Variants in POLQ observed in about 807,000 individuals in gnomAD.
POLQ encodes DNA polymerase theta.
A neutral mutation model predicts 259.2 loss-of-function variants in POLQ; 233 were observed. The ratio of observed to expected loss-of-function variants is 0.90; its 90% confidence interval spans 0.81 to 1.00. The LOEUF (loss-of-function observed/expected upper bound fraction) is 1.00, where lower values mean the gene tolerates loss of function less well. Among genes scored for constraint, POLQ ranks in the 50% least tolerant of loss-of-function variants. The pLI is 0.00. For synonymous variants in POLQ, 1,025 were observed against 1,048.8 expected (o/e 0.98, Z 0.44); for missense variants, 2,871 against 3,051.6 (o/e 0.94, Z 1.39).
intron 3 of POLQ, 81 bp from the exon 4 acceptor site, chr3:121,539,670 G>C (rs1276675810): frequency 9.8e-7 from 1 of 1,017,326 alleles, no homozygotes; most frequent in Non-Finnish European, 1.5e-6. Context: ...CCAGAACATA[G>C]ACATAAGTAT....
At chr3:121,475,524 A>G (rs920740916) in intron 20 of POLQ, among the ~76,000 whole-genome samples, 1 of 152,224 alleles carries the variant, frequency 6.6e-6, no homozygotes, top group Non-Finnish European at 1.5e-5. Context: ...AAACACTATT[A>G]AAGTAATAAT....
At chr3:121,539,952 T>C (rs1378069736) in intron 3 of POLQ, among the ~76,000 whole-genome samples, 6 of 152,180 alleles carry the variant, frequency 3.9e-5, no homozygotes, top group Non-Finnish European at 8.8e-5. Context: ...GAAACAAATT[T>C]ATACTTCATG....
At chr3:121,520,137 G>T (rs779816827) in intron 8 of POLQ, 54 bp from the exon 9 acceptor site, 5 of 977,906 alleles carry the variant, frequency 5.1e-6, no homozygotes, top group Non-Finnish European at 8.0e-6. Flanking sequence ...AATATTATAC[G>T]TGTTCACTTA....
chr3:121,462,300 C>T (rs1173946983), intron 24 of POLQ, among the ~76,000 whole-genome samples: 2 of 152,064 alleles, frequency 1.3e-5, no homozygotes, highest in Non-Finnish European at 2.9e-5. Context: ...AGACAACAAG[C>T]CATGCAGAAC....
intron 18 of POLQ, 129 bp from the exon 19 acceptor site, chr3:121,481,941 G>T: frequency 2.5e-6 from 2 of 812,452 alleles, no homozygotes; most frequent in Non-Finnish European, 3.8e-6. Flanking sequence ...TTTATTCAGT[G>T]GTCTTCCCAG....
intron 3 of POLQ, 47 bp from the exon 4 acceptor site, chr3:121,539,636 C>T: frequency 6.8e-7 from 1 of 1,468,796 alleles, no homozygotes; most frequent in Non-Finnish European, 9.5e-7. Flanking sequence ...ACTTGAAATT[C>T]AAGAGTTATA....
At chr3:121,435,435 A>T (rs571111907) in intron 28 of POLQ, among the ~76,000 whole-genome samples, 134 of 152,234 alleles carry the variant, frequency 8.8e-4, no homozygotes, top group Non-Finnish European at 1.6e-3. Context: ...CATAAATAGG[A>T]ATATCAACAT....
At chr3:121,439,228 CT>C (rs5852268) in intron 27 of POLQ, among the ~76,000 whole-genome samples, 97,627 of 142,998 alleles carry the variant, frequency 0.68, 32,926 homozygotes, top group East Asian at 0.88. Context: ...GAGATAGTGC[CT>C]TTTTTTTTTT....
intron 12 of POLQ, among the ~76,000 whole-genome samples, chr3:121,499,978 G>A (rs747508407): frequency 6.6e-6 from 1 of 152,092 alleles, no homozygotes; most frequent in Non-Finnish European, 1.5e-5. Flanking sequence ...TGAAAATTCT[G>A]GAGTTAAAAG....
Position 121,489,138 on chromosome 3 carries a change from GT to G in POLQ, c.3792del (p.Ser1266ValfsTer21), listed in dbSNP as rs1339974567. The G allele has an allele frequency of 6.2e-7, 1 of 1,613,734 alleles. No homozygotes were observed. The highest frequency in any genetic ancestry group is 1.7e-5 in the Admixed American group (1 of 60,016). On this transcript the variant is annotated frameshift_variant, in exon 16 of 30. Transcript: ENST00000264233. LOFTEE classifies it high-confidence loss of function. Reference protein sequence around the residue: ...ALGDDISRTVIPSEVLPSAGA... With the variant: ...ALGDDISRTVXPSEVLPSAGA... ...CCAGCTGATGGAAGTACTTCACTGG[GT>G]ATCACAGTTCTGCTTATATCATCTC... is the stretch of plus-strand genomic sequence containing the variant.
chr3:121,473,014 A>G (rs1177801271), intron 21 of POLQ, among the ~76,000 whole-genome samples: 2 of 152,208 alleles, frequency 1.3e-5, no homozygotes, highest in East Asian at 3.8e-4. Flanking sequence ...CCTTGAGGTC[A>G]GGAGTTCAAG....
Position 121,440,073 on chromosome 3 carries a change from T to C in POLQ, c.7308A>G (p.Arg2436=). ...CCAAAATGGTCTGAACAAATCCGTCTCTTTTACAATTCTTCACTGTCTCTG... is the reference window on the plus strand; with the variant it reads ...CCAAAATGGTCTGAACAAATCCGTCCCTTTTACAATTCTTCACTGTCTCTG... The part of the protein sequence containing the change: ...FMTETVKNCK[R]DGFVQTILGR... The change falls in exon 27 of 30, where the codon AGA becomes AGG. Residue 2436 remains arginine, a synonymous_variant. Coordinates refer to ENST00000264233, the MANE Select transcript of POLQ (RefSeq NM_199420.4). 3.7e-6 allele frequency: 6 copies of C among 1,609,186 alleles called. No homozygotes were observed. Among genetic ancestry groups the C allele is most frequent in the Non-Finnish European group, 5.1e-6 (6 of 1,175,608 alleles).
chr3:121,531,870 G>C lies in POLQ; in HGVS notation c.960+1120C>G, dbSNP rs569658254. Among the ~76,000 whole-genome samples the C allele has an allele frequency of 3.9e-5, 6 of 152,308 alleles. No individual in the cohort carries two copies. The South Asian group carries it at 1.0e-3, about 26-fold the overall frequency. ...CAAAGCAAGCAAGATTCCATACCAAGTATGCAGAAACTACAAATGCATACC... is the reference window on the plus strand; with the variant it reads ...CAAAGCAAGCAAGATTCCATACCAACTATGCAGAAACTACAAATGCATACC... On this transcript the variant is annotated intron_variant, in intron 6 of 29. Coordinates refer to ENST00000264233, the MANE Select transcript of POLQ (RefSeq NM_199420.4).
intron 24 of POLQ, among the ~76,000 whole-genome samples, chr3:121,464,620 TCTAAAA>T (rs2047820853): frequency 6.7e-6 from 1 of 149,674 alleles, no homozygotes; most frequent in Non-Finnish European, 1.5e-5. Context: ...TGTTCTAAAA[TCTAAAA>T]CTTTCTGAGC....
chr3:121,496,758 G>A (rs367744360), intron 14 of POLQ, 50 bp downstream of exon 14: 20 of 1,546,696 alleles, frequency 1.3e-5, no homozygotes, highest in Middle Eastern at 3.5e-4. Flanking sequence ...ATCTTAACTC[G>A]ACCTCAAATC....
At chr3:121,540,545 A>G (rs1046738589) in intron 3 of POLQ, among the ~76,000 whole-genome samples, 1 of 152,240 alleles carries the variant, frequency 6.6e-6, no homozygotes, top group African/African-American at 2.4e-5. Flanking sequence ...GTAAACTACT[A>G]TTAGTCATTT....
intron 17 of POLQ, among the ~76,000 whole-genome samples, chr3:121,484,671 C>T (rs1456965462): frequency 2.6e-5 from 4 of 152,124 alleles, no homozygotes; most frequent in Non-Finnish European, 4.4e-5. Context: ...GAGGCCAAGG[C>T]GGGTGGATCA....
At chr3:121,445,003 T>G (rs2047621176) in intron 26 of POLQ, among the ~76,000 whole-genome samples, 1 of 152,208 alleles carries the variant, frequency 6.6e-6, no homozygotes, top group African/African-American at 2.4e-5. Context: ...CATTTGTTAC[T>G]ATTTTGTTGA....
chr3:121,439,777 T>C (rs1346897168), intron 27 of POLQ, among the ~76,000 whole-genome samples: 1 of 152,266 alleles, frequency 6.6e-6, no homozygotes, highest in Non-Finnish European at 1.5e-5. Context: ...AGTAAACACA[T>C]GTTTACATTA....
Sources: allele counts gnomAD v4.1 joint callset (sites outside exome capture counted in the v4.1 genomes callset), GRCh38; gene constraint gnomAD v4.1.1; transcripts MANE v1.5; gene names NCBI Gene and HGNC (gene_info 2026-07-23, HGNC 2026-07-21).